The following WNT2 variants were observed in gnomAD, a reference collection of about 807,000 sequenced individuals.
WNT2 encodes the protein protein Wnt-2.
WNT2 carries 12 observed loss-of-function variants against 36.9 expected under a neutral mutation model. The ratio of observed to expected loss-of-function variants is 0.33; its 90% CI spans 0.21 to 0.53. The LOEUF (loss-of-function observed/expected upper bound fraction) is 0.53, where lower values mean the gene tolerates loss of function less well. Ranked by LOEUF, WNT2 falls within the 20% of genes least tolerant of loss-of-function variation. WNT2 has a pLI of 0.95. For missense variants in WNT2, 379 were observed against 473.1 expected (o/e 0.80, Z 1.84); for synonymous variants, 163 against 174.6 (o/e 0.93, Z 0.52).
intron 3 of WNT2, among the ~76,000 whole-genome samples, chr7:117,311,473 C>G (rs1795121553): frequency 6.6e-6 from 1 of 152,196 alleles, no homozygotes; most frequent in African/African-American, 2.4e-5. Context: ...CTCTCCATCC[C>G]TCTCAGGCCC....
At position 117,278,195 on chromosome 7, in the gene WNT2, C is replaced by A; in HGVS notation, c.1043G>T (p.Cys348Phe). The A allele has an allele frequency of 6.2e-7, 1 of 1,614,222 alleles. No individual in the cohort carries two copies. The highest frequency in any genetic ancestry group is 8.5e-7 in the Non-Finnish European group (1 of 1,180,026). The change falls in exon 5 of 5, where the codon TGC becomes TTC. Residue 348 changes from cysteine to phenylalanine, a missense_variant. By Grantham distance (205) the Cys-to-Phe change is radical. Transcript: ENST00000265441. ...DCLEALDVHT[C>F]KAPKNADWTT... ...CCAGTCAGCGTTCTTGGGGGCCTTG[C>A]ATGTGTGCACATCCAGAGCTTCCAG...
chr7:117,303,053 A>T (rs1340213469), intron 3 of WNT2, among the ~76,000 whole-genome samples: 2 of 152,102 alleles, frequency 1.3e-5, no homozygotes, highest in Non-Finnish European at 2.9e-5. Flanking sequence ...TCACCTGGGG[A>T]TCATTTCCAG....
intron 4 of WNT2, among the ~76,000 whole-genome samples, chr7:117,283,573 C>G (rs1036548475): frequency 6.6e-6 from 1 of 152,166 alleles, no homozygotes. Flanking sequence ...TCTGACTCAG[C>G]CTTCTGTAAT....
At chr7:117,314,844 T>C (rs910828462) in intron 3 of WNT2, among the ~76,000 whole-genome samples, 1 of 152,090 alleles carries the variant, frequency 6.6e-6, no homozygotes, top group Non-Finnish European at 1.5e-5. Context: ...CCAAACACAA[T>C]GGGTGGACTC....
chr7:117,288,357 C>T (rs1794623855), intron 4 of WNT2, among the ~76,000 whole-genome samples: 2 of 152,090 alleles, frequency 1.3e-5, no homozygotes, highest in African/African-American at 2.4e-5. Flanking sequence ...CCCATTAGTC[C>T]AATTGGAGAA....
rs765749387 is a variant in WNT2, at chr7:117,278,225, T to C, written c.1013A>G (p.Asp338Gly). 1.9e-6 allele frequency: 3 copies of C among 1,614,094 alleles called. No homozygotes were observed. The highest frequency in any genetic ancestry group is 1.7e-6 in the Non-Finnish European group (2 of 1,180,042). The change falls in exon 5 of 5, where the codon GAC becomes GGC. Residue 338 changes from aspartate to glycine, a missense_variant. Transcript: ENST00000265441. The stretch of plus-strand genomic sequence containing the variant: ...GTGCACATCCAGAGCTTCCAGGCAG[T>C]CCTGACAGCGCACGGCGCAGCACCA... Reference protein sequence around the residue: ...FHWCCAVRCQDCLEALDVHTC... With the variant: ...FHWCCAVRCQGCLEALDVHTC...
Position 117,290,629 on chromosome 7 carries a change from A to G in WNT2, c.853+6983T>C, listed in dbSNP as rs574518897. On this transcript the variant is annotated intron_variant, in intron 4 of 4. Coordinates refer to ENST00000265441, the MANE Select transcript of WNT2 (RefSeq NM_003391.3). ...ACTTATTCTTTACCTTGTCAAAATG[A>G]CATATATAAGATAAGACCTTATAAC... 3.1e-4 allele frequency among the ~76,000 whole-genome samples: 47 copies of G among 152,378 alleles called. 1 individual carries two copies. Among genetic ancestry groups the G allele is most frequent in the African/African-American group, 9.1e-4 (38 of 41,592 alleles).
chr7:117,301,308 C>A (rs564693956), intron 3 of WNT2, among the ~76,000 whole-genome samples: 4 of 152,084 alleles, frequency 2.6e-5, no homozygotes, highest in African/African-American at 9.6e-5. Flanking sequence ...AAATTCAAAC[C>A]CTTAACCTTG....
Position 117,297,583 on chromosome 7 carries a change from G to A in WNT2, c.853+29C>T, listed in dbSNP as rs188541902. The A allele has an allele frequency of 3.7e-4, 585 of 1,592,698 alleles. 3 individuals carry two copies. In the African/African-American group the frequency reaches 7.2e-3, roughly 20 times the overall value. The stretch of plus-strand genomic sequence containing the variant: ...GAGTATCAATTGTTGAAAGAATTAG[G>A]TACTATAAAGAAAGTCTTTTGAACT... On this transcript the variant is annotated intron_variant, in intron 4 of 4. Coordinates refer to ENST00000265441, the MANE Select transcript of WNT2 (RefSeq NM_003391.3).
chr7:117,304,385 T>C (rs1794972682), intron 3 of WNT2, among the ~76,000 whole-genome samples: 1 of 151,884 alleles, frequency 6.6e-6, no homozygotes, highest in South Asian at 2.1e-4. Flanking sequence ...TTATTCCCCA[T>C]TAATCTTGTT....
intron 3 of WNT2, among the ~76,000 whole-genome samples, chr7:117,313,783 G>T (rs1227350001): frequency 6.6e-6 from 1 of 152,146 alleles, no homozygotes; most frequent in East Asian, 1.9e-4. Context: ...AATAGTTGTA[G>T]GATTGCACAA....
At chr7:117,301,105 C>G (rs1794897369) in intron 3 of WNT2, 1 of 152,116 alleles carries the variant, frequency 6.6e-6, no homozygotes, top group African/African-American at 2.4e-5. Flanking sequence ...CAACAGGTAC[C>G]ATGGTCACTT....
At position 117,293,846 on chromosome 7, in the gene WNT2, T is replaced by C. The variant is rs3824028; in HGVS notation, c.853+3766A>G. ...GATACACTGACCCAACACCTTCATT[T>C]TGAGAAGAGAGAGGCTCCCAGATCC... On this transcript the variant is annotated intron_variant, in intron 4 of 4. Coordinates refer to ENST00000265441, the MANE Select transcript of WNT2 (RefSeq NM_003391.3). Among the ~76,000 whole-genome samples, 138 of 152,166 alleles carry C rather than the reference T, an allele frequency of 9.1e-4. 2 individuals carry two copies. The East Asian group carries it at 0.019, about 20-fold the overall frequency.
At chr7:117,298,634 C>T (rs572791226) in intron 3 of WNT2, among the ~76,000 whole-genome samples, 4 of 152,168 alleles carry the variant, frequency 2.6e-5, no homozygotes, top group East Asian at 1.9e-4. Context: ...TCTGTGGGTG[C>T]GAGGCCTGTG....
intron 2 of WNT2, among the ~76,000 whole-genome samples, chr7:117,319,522 T>TG (rs67181334): frequency 0.044 from 5,404 of 121,814 alleles, 159 homozygotes; most frequent in South Asian, 0.086. Flanking sequence ...TCTTAGGAAT[T>TG]GGGGGGGGGG....
chr7:117,292,918 T>C (rs1794717191), intron 4 of WNT2, among the ~76,000 whole-genome samples: 1 of 152,044 alleles, frequency 6.6e-6, no homozygotes, highest in Non-Finnish European at 1.5e-5. Flanking sequence ...TAGGGAAAAT[T>C]AGGAATCATA....
chr7:117,277,237 G>GA lies in WNT2; in HGVS notation c.*917dup, dbSNP rs910536867. 2.6e-5 allele frequency: 4 copies of GA among 152,148 alleles called. No homozygotes were observed. The highest frequency in any genetic ancestry group is 9.7e-5 in the African/African-American group (4 of 41,434). The allele number at this position is 152,148 out of a possible 1,614,324, so 9.4% of individuals were successfully genotyped here. On this transcript the variant is annotated 3_prime_UTR_variant, in exon 5 of 5. Coordinates refer to ENST00000265441, the MANE Select transcript of WNT2 (RefSeq NM_003391.3). ...GGGTCACATGCATAATATGAGATAG[G>GA]AATTTTATTCTCCCTTTTTTTCTTG...
rs1795341596 is a variant in WNT2, at chr7:117,322,122, G to A, written c.83+785C>T. Reference sequence around the variant, plus strand: ...CAAGACCAGAAAGTCGGCAGATGGAGAACGGTTTCTAGATGGGGAGGGAAT... The same window carrying A: ...CAAGACCAGAAAGTCGGCAGATGGAAAACGGTTTCTAGATGGGGAGGGAAT... On this transcript the variant is annotated intron_variant, in intron 1 of 4. Transcript: ENST00000265441. This position sits in a 1 kb window ranked among gnomAD's most constrained non-coding sequence, Gnocchi z 5.4. 1 of 152,194 alleles carries A rather than the reference G, an allele frequency of 6.6e-6. No individual in the cohort carries two copies. The highest frequency in any genetic ancestry group is 1.5e-5 in the Non-Finnish European group (1 of 68,026). The allele number at this position is 152,194 out of a possible 1,614,324, so 9.4% of individuals were successfully genotyped here. A position where few individuals can be genotyped will look rare whatever the true frequency, so the allele number is the denominator to read the frequency against.
intron 2 of WNT2, among the ~76,000 whole-genome samples, chr7:117,319,090 GAT>G (rs1302227527): frequency 6.6e-6 from 1 of 152,086 alleles, no homozygotes; most frequent in Non-Finnish European, 1.5e-5. Flanking sequence ...AAAAAATCCT[GAT>G]ATGTTTTAAA....
Sources: allele counts gnomAD v4.1 joint callset (sites outside exome capture counted in the v4.1 genomes callset), GRCh38; gene constraint gnomAD v4.1.1; non-coding constraint Gnocchi (gnomAD v3.1); transcripts MANE v1.5; gene names NCBI Gene and HGNC (gene_info 2026-07-23, HGNC 2026-07-21).